Variants in TMTC1 observed in about 807,000 individuals in gnomAD.
TMTC1 encodes protein O-mannosyl-transferase TMTC1.
TMTC1 carries 73 observed loss-of-function variants against 104.8 expected under a neutral mutation model. That is an observed-to-expected ratio of 0.70 (90% CI 0.58 to 0.85). The LOEUF (loss-of-function observed/expected upper bound fraction) is 0.85, where lower values mean the gene tolerates loss of function less well. TMTC1 is among the 40% of genes least tolerant of loss of function. TMTC1 has a pLI of 0.00. For synonymous variants in TMTC1, 434 were observed against 428.7 expected (o/e 1.01, Z -0.15); for missense variants, 1,035 against 1,096.1 (o/e 0.94, Z 0.79).
intron 9 of TMTC1, among the ~76,000 whole-genome samples, chr12:29,559,570 C>T (rs1439618941): frequency 3.3e-5 from 5 of 152,184 alleles, no homozygotes; most frequent in Non-Finnish European, 7.3e-5. Context: ...TTTACTATGC[C>T]TTGTGCTCTA....
intron 17 of TMTC1, among the ~76,000 whole-genome samples, chr12:29,511,537 T>C (rs1281804986): frequency 6.6e-6 from 1 of 152,134 alleles, no homozygotes; most frequent in South Asian, 2.1e-4. Flanking sequence ...CACCCAAAGG[T>C]AGTGTTTTTC....
intron 5 of TMTC1, among the ~76,000 whole-genome samples, chr12:29,665,121 G>A (rs12580986): frequency 0.15 from 22,732 of 151,930 alleles, 2,337 homozygotes; most frequent in Admixed American, 0.31. Flanking sequence ...CAAAACTGAC[G>A]AAGGAAAAAC....
chr12:29,656,329 T>TATAC (rs1295131877), intron 5 of TMTC1, among the ~76,000 whole-genome samples: 11 of 149,434 alleles, frequency 7.4e-5, no homozygotes, highest in Non-Finnish European at 1.6e-4. Context: ...GATATATATA[T>TATAC]ATATATATAT....
intron 10 of TMTC1, among the ~76,000 whole-genome samples, chr12:29,553,373 G>A (rs1945156512): frequency 6.6e-6 from 1 of 152,160 alleles, no homozygotes; most frequent in African/African-American, 2.4e-5. Context: ...AAACTGGAAA[G>A]CTTTTCAGAG....
chr12:29,773,911 G>A (rs952635469), intron 1 of TMTC1, among the ~76,000 whole-genome samples: 2 of 152,140 alleles, frequency 1.3e-5, no homozygotes, highest in Non-Finnish European at 2.9e-5. Context: ...GCCTACAGAA[G>A]AGATCCACCA....
chr12:29,567,601 C>T (rs374435741), intron 9 of TMTC1, among the ~76,000 whole-genome samples: 3 of 152,210 alleles, frequency 2.0e-5, no homozygotes, highest in Non-Finnish European at 2.9e-5. Context: ...AACACATCTC[C>T]ACCTGTTAAA....
rs928425577 is a variant in TMTC1, at chr12:29,508,864, C to T, written c.2509-1878G>A. ...AAGGGCTGGGATTACAGGTATGAGCCACCGTGCCCAGCCTAGAAGCCCTAT... is the reference window on the plus strand; with the variant it reads ...AAGGGCTGGGATTACAGGTATGAGCTACCGTGCCCAGCCTAGAAGCCCTAT... On this transcript the variant is annotated intron_variant, in intron 17 of 17. Coordinates refer to ENST00000539277, the MANE Select transcript of TMTC1 (RefSeq NM_001193451.2). 2.6e-5 allele frequency among the ~76,000 whole-genome samples: 4 copies of T among 152,062 alleles called. No homozygotes were observed. The South Asian group carries it at 8.3e-4, about 32-fold the overall frequency.
At chr12:29,738,978 C>T (rs746506290) in intron 5 of TMTC1, among the ~76,000 whole-genome samples, 2 of 152,168 alleles carry the variant, frequency 1.3e-5, no homozygotes, top group African/African-American at 4.8e-5. Context: ...CACAAATATG[C>T]GGGATTCAAT....
chr12:29,621,193 C>G (rs1358978762), intron 6 of TMTC1, among the ~76,000 whole-genome samples: 2 of 152,188 alleles, frequency 1.3e-5, no homozygotes, highest in Admixed American at 1.3e-4. Context: ...TAAATGCAAC[C>G]TTCATTCCCC....
chr12:29,768,553 C>G (rs1419205805), intron 1 of TMTC1, among the ~76,000 whole-genome samples: 1 of 152,140 alleles, frequency 6.6e-6, no homozygotes, highest in Non-Finnish European at 1.5e-5. Flanking sequence ...AATGTGTTCT[C>G]TCACCCATGG....
At chr12:29,621,684 A>C (rs1937678767) in intron 6 of TMTC1, among the ~76,000 whole-genome samples, 1 of 152,154 alleles carries the variant, frequency 6.6e-6, no homozygotes, top group Non-Finnish European at 1.5e-5. Flanking sequence ...TTTTATTTAA[A>C]GAGAGCTCAC....
intron 5 of TMTC1, among the ~76,000 whole-genome samples, chr12:29,634,773 T>C (rs1938468141): frequency 6.6e-6 from 1 of 152,228 alleles, no homozygotes; most frequent in Non-Finnish European, 1.5e-5. Context: ...TTCTCCCTCA[T>C]TTGTCAGGTT....
At position 29,755,768 on chromosome 12, in the gene TMTC1, C is replaced by T. The variant is rs766576817; in HGVS notation, c.672G>A (p.Thr224=). The T allele has an allele frequency of 1.8e-5, 29 of 1,614,016 alleles. No homozygotes were observed. The highest frequency in any genetic ancestry group is 4.4e-5 in the South Asian group (4 of 91,084). ...CATAAACCAAGCACACTCCAAACAC[C>T]GTGATGCCTGTCTCTTTCACCAGCA... ...CAMLVKETGI[T]VFGVCLVYDL... The change falls in exon 4 of 18, where the codon ACG becomes ACA. Residue 224 remains threonine, a synonymous_variant. Coordinates refer to ENST00000539277, the MANE Select transcript of TMTC1 (RefSeq NM_001193451.2).
At chr12:29,691,893 C>T (rs1019956990) in intron 5 of TMTC1, among the ~76,000 whole-genome samples, 2 of 144,324 alleles carry the variant, frequency 1.4e-5, no homozygotes, top group South Asian at 2.2e-4. Flanking sequence ...TCCAGAGGGT[C>T]GCACATCACC....
intron 5 of TMTC1, among the ~76,000 whole-genome samples, chr12:29,703,338 T>C (rs1030103866): frequency 2.0e-5 from 3 of 152,166 alleles, no homozygotes; most frequent in African/African-American, 7.2e-5. Context: ...GAAATAACTT[T>C]CTTTGAATTG....
At chr12:29,653,948 T>C (rs769874782) in intron 5 of TMTC1, among the ~76,000 whole-genome samples, 6 of 152,190 alleles carry the variant, frequency 3.9e-5, no homozygotes, top group Non-Finnish European at 7.3e-5. Context: ...TTCATACAAA[T>C]ACACAGCACA....
intron 8 of TMTC1, among the ~76,000 whole-genome samples, chr12:29,582,849 G>T (rs1256002400): frequency 6.6e-6 from 1 of 152,218 alleles, no homozygotes; most frequent in African/African-American, 2.4e-5. Flanking sequence ...TGGGTGTCAG[G>T]TGTGGCAGTG....
At chr12:29,509,325 G>A (rs1172430598) in intron 17 of TMTC1, among the ~76,000 whole-genome samples, 10 of 152,298 alleles carry the variant, frequency 6.6e-5, no homozygotes, top group Non-Finnish European at 1.0e-4. Flanking sequence ...CATAAGAAGC[G>A]TTACTTTTTA....
intron 15 of TMTC1, among the ~76,000 whole-genome samples, chr12:29,516,080 T>C (rs1943977880): frequency 6.6e-6 from 1 of 152,004 alleles, no homozygotes; most frequent in South Asian, 2.1e-4. Flanking sequence ...TAAATGTTGG[T>C]CTTGATCTTT....
Sources: allele counts gnomAD v4.1 joint callset (sites outside exome capture counted in the v4.1 genomes callset), GRCh38; gene constraint gnomAD v4.1.1; transcripts MANE v1.5; gene names NCBI Gene and HGNC (gene_info 2026-07-23, HGNC 2026-07-21).